CACNA1I: variants seen among roughly 807,000 people sequenced by gnomAD.
The protein encoded by CACNA1I is calcium voltage-gated channel subunit alpha1 I, also known as voltage-dependent T-type calcium channel subunit alpha-1I.
In CACNA1I, 74 loss-of-function variants were observed where a neutral mutation model predicts 201.6. That is an observed-to-expected ratio of 0.37 (90% CI 0.30 to 0.45). CACNA1I has a LOEUF of 0.45. Ranked by LOEUF, CACNA1I falls within the 20% of genes least tolerant of loss-of-function variation. The pLI, the probability that CACNA1I is intolerant of heterozygous loss-of-function variation, is 1.00. For missense variants in CACNA1I, 2,346 were observed against 3,138.1 expected, an observed-to-expected ratio of 0.75 and a Z score of 6.03; for synonymous variants, 1,431 against 1,345.2, an observed-to-expected ratio of 1.06 and a Z score of -1.40.
chr22:39,652,260 T>C (rs1438388262), intron 10 of CACNA1I, among the ~76,000 whole-genome samples: 3 of 152,156 alleles, frequency 2.0e-5, no homozygotes, highest in African/African-American at 7.2e-5. Flanking sequence ...CCTCCCAAAG[T>C]GCTGGGATTA....
chr22:39,628,146 C>T (rs1181206766), intron 4 of CACNA1I, among the ~76,000 whole-genome samples: 1 of 151,702 alleles, frequency 6.6e-6, no homozygotes, highest in Admixed American at 6.6e-5. Context: ...GGACAGGCCA[C>T]CAGATCAAAG....
rs957237348 is a variant in CACNA1I, at chr22:39,685,227, G to A, written c.6028-534G>A. 5.2e-5 allele frequency: 8 copies of A among 153,908 alleles called. No homozygotes were observed. Among genetic ancestry groups the A allele is most frequent in the African/African-American group, 1.9e-4 (8 of 41,272 alleles). 9.5% of individuals were successfully genotyped at this position (153,908 alleles called of 1,614,324 possible). Reference sequence around the variant, plus strand: ...CCAAAATAAATGTCTGCAGAGTAAAGTCTACTCCATGGTGGACAGGCAGGG... The same window carrying A: ...CCAAAATAAATGTCTGCAGAGTAAAATCTACTCCATGGTGGACAGGCAGGG... On this transcript the variant is annotated intron_variant, in intron 36 of 36. Transcript: ENST00000402142. The surrounding 1 kb of genome is among the most constrained non-coding windows in gnomAD (Gnocchi z 5.0).
intron 2 of CACNA1I, among the ~76,000 whole-genome samples, chr22:39,599,558 G>T (rs1410897043): frequency 7.1e-6 from 1 of 141,034 alleles, no homozygotes; most frequent in Non-Finnish European, 1.5e-5. Flanking sequence ...GGCGGAGCTT[G>T]CAGTGAGCCG....
chr22:39,589,339 G>A (rs1046231623), intron 1 of CACNA1I, among the ~76,000 whole-genome samples: 11 of 152,198 alleles, frequency 7.2e-5, no homozygotes, highest in African/African-American at 2.7e-4. Flanking sequence ...GCCCCGCTGG[G>A]TCCTAGCGTG....
At chr22:39,618,834 CT>C (rs1933642151) in intron 3 of CACNA1I, among the ~76,000 whole-genome samples, 1 of 152,018 alleles carries the variant, frequency 6.6e-6, no homozygotes, top group Non-Finnish European at 1.5e-5. Context: ...AGGTCTGCCT[CT>C]TGAGGGAGAT....
chr22:39,662,776 ACCCT>A lies in CACNA1I; in HGVS notation c.3374_3377del (p.Thr1125SerfsTer8). The A allele has an allele frequency of 6.3e-7, 1 of 1,576,372 alleles. No individual in the cohort carries two copies. Among genetic ancestry groups the A allele is most frequent in the Non-Finnish European group, 8.6e-7 (1 of 1,160,888 alleles). On this transcript the variant is annotated frameshift_variant and splice_region_variant, in exon 18 of 37. Transcript: ENST00000402142. LOFTEE classifies it high-confidence loss of function. ...CGGCGCTCCGTCCTCCTCTTGCTAG[ACCCT>A]GTGCTTCCGCGTCCGCAAGATGATC...
Position 39,661,031 on chromosome 22 carries a change from T to C in CACNA1I, c.2699-77T>C, listed in dbSNP as rs1199560712. 4.3e-6 allele frequency: 5 copies of C among 1,158,896 alleles called. No individual in the cohort carries two copies. In the East Asian group the frequency reaches 1.2e-4, roughly 29 times the overall value. 71.8% of individuals were successfully genotyped at this position (1,158,896 alleles called of 1,614,324 possible). A position where few individuals can be genotyped will look rare whatever the true frequency, so the allele number is the denominator to read the frequency against. On this transcript the variant is annotated intron_variant, in intron 15 of 36. Transcript: ENST00000402142. ...CATTTCTGCTCCTTCCTTGTTTGTC[T>C]GTCTCGTGGCTCCCTTGCTGTTGTT...
chr22:39,654,503 A>G (rs1934755250), intron 10 of CACNA1I, among the ~76,000 whole-genome samples: 1 of 152,190 alleles, frequency 6.6e-6, no homozygotes, highest in Admixed American at 6.5e-5. Flanking sequence ...AGAGGACTGC[A>G]TTCAAGGCCT....
intron 3 of CACNA1I, among the ~76,000 whole-genome samples, chr22:39,617,467 G>A (rs1474872898): frequency 4.0e-5 from 6 of 151,814 alleles, no homozygotes; most frequent in Middle Eastern, 3.2e-3. Context: ...GAGAGGCTGC[G>A]TCTGTGGGGG....
Position 39,686,522 on chromosome 22 carries a change from G to T in CACNA1I, c.*117G>T, listed in dbSNP as rs922139216. ...CCTGGGATCGCGCAGGGCCCGCAGGGCACAGGCGCCCGACAGCCGGGCTGA... is the reference window on the plus strand; with the variant it reads ...CCTGGGATCGCGCAGGGCCCGCAGGTCACAGGCGCCCGACAGCCGGGCTGA... On this transcript the variant is annotated 3_prime_UTR_variant, in exon 37 of 37. Coordinates refer to ENST00000402142, the MANE Select transcript of CACNA1I (RefSeq NM_021096.4). The T allele has an allele frequency of 1.2e-6, 1 of 809,874 alleles. No homozygotes were observed. The highest frequency in any genetic ancestry group is 1.6e-6 in the Non-Finnish European group (1 of 615,548). The allele number at this position is 809,874 out of a possible 1,614,324, so 50.2% of individuals were successfully genotyped here. A position where few individuals can be genotyped will look rare whatever the true frequency, so the allele number is the denominator to read the frequency against.
chr22:39,647,770 A>G, intron 8 of CACNA1I, 52 bp from the exon 9 acceptor site: 2 of 1,324,944 alleles, frequency 1.5e-6, no homozygotes, highest in South Asian at 1.2e-5. Context: ...CATCTGTTCC[A>G]GGAAACGGTC....
At chr22:39,625,152 C>T (rs1365043133) in intron 4 of CACNA1I, among the ~76,000 whole-genome samples, 11 of 151,952 alleles carry the variant, frequency 7.2e-5, no homozygotes, top group Admixed American at 3.3e-4. Flanking sequence ...GTGATCCACC[C>T]GTCTCGGTCT....
chr22:39,615,712 T>C (rs1601462184), intron 3 of CACNA1I, among the ~76,000 whole-genome samples: 1 of 152,204 alleles, frequency 6.6e-6, no homozygotes, highest in African/African-American at 2.4e-5. Context: ...ACTGTGCAGC[T>C]ACTATGTTTC....
intron 8 of CACNA1I, among the ~76,000 whole-genome samples, 189 bp downstream of exon 8, chr22:39,647,070 C>G (rs747968708): frequency 6.6e-6 from 1 of 152,274 alleles, no homozygotes; most frequent in Non-Finnish European, 1.5e-5. Context: ...CTGTCAGAGC[C>G]TGCGCTGGGC....
chr22:39,664,763 G>C lies in CACNA1I; in HGVS notation c.3691G>C (p.Gly1231Arg). Residue 1231 changes from glycine (G) to arginine (R), a missense_variant, in exon 21 of 37, where the codon GGC becomes CGC. Coordinates refer to ENST00000402142, the MANE Select transcript of CACNA1I (RefSeq NM_021096.4). ...GGTAGTCTCGCTGGGCCTGTACTTC[G>C]GCGAGCAGGCGTACCTACGCAGCAG... ...LKVVSLGLYF[G>R]EQAYLRSSWN... 1.3e-6 allele frequency: 2 copies of C among 1,590,200 alleles called. No individual in the cohort carries two copies. The highest frequency in any genetic ancestry group is 1.7e-6 in the Non-Finnish European group (2 of 1,170,836).
intron 1 of CACNA1I, among the ~76,000 whole-genome samples, chr22:39,585,135 C>T (rs1312666494): frequency 6.6e-6 from 1 of 152,176 alleles, no homozygotes; most frequent in Admixed American, 6.5e-5. Flanking sequence ...TCTCGGCTCA[C>T]CGCAACCTCT....
chr22:39,629,228 G>T lies in CACNA1I; in HGVS notation c.581-5337G>T, dbSNP rs1444038016. 6.6e-6 allele frequency among the ~76,000 whole-genome samples: 1 copy of T among 152,074 alleles called. No homozygotes were observed. The highest frequency in any genetic ancestry group is 1.5e-5 in the Non-Finnish European group (1 of 68,020). ...TGCTCCACATGACGCTCCCGGGCCA[G>T]ACTGTTCTCCCCTGAACTCCAGACC... On this transcript the variant is annotated intron_variant, in intron 4 of 36. Transcript: ENST00000402142. The surrounding 1 kb of genome is among the most constrained non-coding windows in gnomAD (Gnocchi z 4.8).
At chr22:39,639,530 TCTTA>T (rs1176071624) in intron 5 of CACNA1I, among the ~76,000 whole-genome samples, 1 of 152,242 alleles carries the variant, frequency 6.6e-6, no homozygotes, top group Non-Finnish European at 1.5e-5. Flanking sequence ...TTATAATATA[TCTTA>T]CTTAATCTAA....
Position 39,684,744 on chromosome 22 carries a change from G to A in CACNA1I, c.6027+246G>A. On this transcript the variant is annotated intron_variant, in intron 36 of 36. Coordinates refer to ENST00000402142, the MANE Select transcript of CACNA1I (RefSeq NM_021096.4). The surrounding 1 kb of genome is among the most constrained non-coding windows in gnomAD (Gnocchi z 4.6). ...GAGTGTGGGGAGGACCCCAAGGCGG[G>A]TCTGGAAGAGGCCTGTGATCCCTAG... 1.7e-6 allele frequency: 1 copy of A among 600,588 alleles called. No homozygotes were observed. The allele number at this position is 600,588 out of a possible 1,614,324, so 37.2% of individuals were successfully genotyped here. A position where few individuals can be genotyped will look rare whatever the true frequency, so the allele number is the denominator to read the frequency against.
Sources: gnomAD v4.1 joint callset for allele counts (sites outside exome capture counted in the v4.1 genomes callset) on GRCh38, gnomAD v4.1.1 for gene constraint, Gnocchi (gnomAD v3.1) non-coding constraint, MANE v1.5 for transcripts, NCBI Gene and HGNC (gene_info 2026-07-23, HGNC 2026-07-21) for gene names.